Variants in NALF1 observed in about 807,000 individuals in gnomAD.
NALF1 encodes the protein NALCN channel auxiliary factor 1.
NALF1 carries 3 observed loss-of-function variants against 48.4 expected under a neutral mutation model. That is an observed-to-expected ratio of 0.06 (90% CI 0.03 to 0.16). The LOEUF is 0.16. NALF1 is among the 10% of genes least tolerant of loss of function. The pLI is 1.00. For missense variants in NALF1, 526 were observed against 571.5 expected (o/e 0.92, Z 0.81); for synonymous variants, 262 against 245.7 (o/e 1.07, Z -0.62).
chr13:107,390,596 A>T lies in NALF1; in HGVS notation c.916-179841T>A, dbSNP rs981599977. On this transcript the variant is annotated intron_variant, in intron 1 of 2. Coordinates refer to ENST00000375915, the MANE Select transcript of NALF1 (RefSeq NM_001080396.3). ...GCTCCATCTCAAAAACAAAAAACAAACAAACAAAAAAAGCCCAGTGGTATT... is the reference window on the plus strand; with the variant it reads ...GCTCCATCTCAAAAACAAAAAACAATCAAACAAAAAAAGCCCAGTGGTATT... Among the ~76,000 whole-genome samples the T allele has an allele frequency of 3.0e-4, 45 of 152,086 alleles. 1 individual carries two copies. The highest frequency in any genetic ancestry group is 1.5e-5 in the Non-Finnish European group (1 of 68,016).
intron 1 of NALF1, among the ~76,000 whole-genome samples, chr13:107,774,892 C>T (rs1234659468): frequency 6.6e-6 from 1 of 152,092 alleles, no homozygotes; most frequent in African/African-American, 2.4e-5. Context: ...TCCCTGATAT[C>T]TCTATATTAT....
intron 1 of NALF1, among the ~76,000 whole-genome samples, chr13:107,442,749 G>C (rs1884581281): frequency 6.6e-6 from 1 of 152,122 alleles, no homozygotes; most frequent in Non-Finnish European, 1.5e-5. Context: ...TATTAAAAAG[G>C]TTTTAAGTCA....
chr13:107,586,271 C>T (rs1291844692), intron 1 of NALF1, among the ~76,000 whole-genome samples: 1 of 152,044 alleles, frequency 6.6e-6, no homozygotes, highest in African/African-American at 2.4e-5. Flanking sequence ...TGGGGCAATA[C>T]CATCTTACCA....
chr13:107,299,393 G>A (rs2138890902), intron 1 of NALF1, among the ~76,000 whole-genome samples: 1 of 150,712 alleles, frequency 6.6e-6, no homozygotes, highest in East Asian at 2.0e-4. Context: ...GCGAGATCCT[G>A]CCACCGCACT....
chr13:107,201,172 T>TC (rs1879509235), intron 2 of NALF1, among the ~76,000 whole-genome samples: 1 of 62,790 alleles, frequency 1.6e-5, no homozygotes, highest in East Asian at 1.3e-3. Flanking sequence ...ATCTATCATC[T>TC]ATCTATCTAT....
At chr13:107,730,272 C>T (rs9514729) in intron 1 of NALF1, among the ~76,000 whole-genome samples, 113,106 of 152,080 alleles carry the variant, frequency 0.74, 43,318 homozygotes, top group Non-Finnish European at 0.85. Flanking sequence ...GAATGCATTT[C>T]CCACACTTTG....
At chr13:107,651,180 G>A (rs1385924008) in intron 1 of NALF1, among the ~76,000 whole-genome samples, 1 of 152,204 alleles carries the variant, frequency 6.6e-6, no homozygotes, top group Non-Finnish European at 1.5e-5. Context: ...TATGTGGAGA[G>A]AGAGTAAGAC....
chr13:107,394,914 C>G (rs1160659779), intron 1 of NALF1, among the ~76,000 whole-genome samples: 1 of 152,104 alleles, frequency 6.6e-6, no homozygotes, highest in African/African-American at 2.4e-5. Flanking sequence ...CTTATGGCAA[C>G]CAGAAATGGC....
At chr13:107,725,863 T>G (rs1594230082) in intron 1 of NALF1, among the ~76,000 whole-genome samples, 1 of 152,276 alleles carries the variant, frequency 6.6e-6, no homozygotes, top group East Asian at 1.9e-4. Context: ...ACCGTTTTGG[T>G]TTTGTAATTT....
chr13:107,814,188 A>G (rs1879092727), intron 1 of NALF1, among the ~76,000 whole-genome samples: 1 of 152,198 alleles, frequency 6.6e-6, no homozygotes, highest in African/African-American at 2.4e-5. Context: ...AAAAGCCACT[A>G]GAAGACAGGA....
intron 1 of NALF1, among the ~76,000 whole-genome samples, chr13:107,787,742 T>C (rs545822315): frequency 6.6e-6 from 1 of 151,894 alleles, no homozygotes; most frequent in African/African-American, 2.4e-5. Context: ...AACTAATACA[T>C]CTGTCTCATA....
intron 1 of NALF1, among the ~76,000 whole-genome samples, chr13:107,325,887 TACACACACACACACAC>T (rs1555332567): frequency 8.5e-5 from 5 of 58,904 alleles, no homozygotes; most frequent in Non-Finnish European, 1.4e-4. Context: ...TATATATATA[TACACACACACACACAC>T]ACACATATAT....
intron 1 of NALF1, among the ~76,000 whole-genome samples, chr13:107,443,162 A>T (rs1209721039): frequency 7.6e-6 from 1 of 131,992 alleles, no homozygotes; most frequent in Non-Finnish European, 1.7e-5. Flanking sequence ...TTATTTATTT[A>T]TCTAACAATC....
At chr13:107,675,697 C>T (rs1881101126) in intron 1 of NALF1, among the ~76,000 whole-genome samples, 1 of 152,148 alleles carries the variant, frequency 6.6e-6, no homozygotes, top group Non-Finnish European at 1.5e-5. Context: ...CTACTGCTGC[C>T]TGGTTCTATC....
chr13:107,433,787 C>G (rs1167004061), intron 1 of NALF1, among the ~76,000 whole-genome samples: 1 of 152,040 alleles, frequency 6.6e-6, no homozygotes, highest in East Asian at 1.9e-4. Flanking sequence ...TCATTTTTCA[C>G]TTAGCTTACA....
chr13:107,634,309 A>G (rs1879916801), intron 1 of NALF1, among the ~76,000 whole-genome samples: 1 of 152,076 alleles, frequency 6.6e-6, no homozygotes, highest in African/African-American at 2.4e-5. Context: ...AAATTACTTA[A>G]TGGGTACAAT....
intron 1 of NALF1, among the ~76,000 whole-genome samples, chr13:107,580,642 T>A (rs763426735): frequency 1.9e-4 from 29 of 152,220 alleles, no homozygotes; most frequent in Non-Finnish European, 3.8e-4. Flanking sequence ...AGAAAGAATG[T>A]TTTCTTGCTT....
At chr13:107,381,516 G>A (rs569703681) in intron 1 of NALF1, among the ~76,000 whole-genome samples, 8 of 152,090 alleles carry the variant, frequency 5.3e-5, no homozygotes, top group Non-Finnish European at 1.0e-4. Flanking sequence ...TTCCAAAAAA[G>A]GGTATTATAG....
chr13:107,760,211 G>A (rs1028203165), intron 1 of NALF1, among the ~76,000 whole-genome samples: 10 of 152,190 alleles, frequency 6.6e-5, no homozygotes, highest in African/African-American at 2.4e-4. Flanking sequence ...AGAGGGATAT[G>A]TTTGATTTTC....
Sources: gnomAD v4.1 joint callset for allele counts (sites outside exome capture counted in the v4.1 genomes callset) on GRCh38, gnomAD v4.1.1 for gene constraint, MANE v1.5 for transcripts, NCBI Gene and HGNC (gene_info 2026-07-23, HGNC 2026-07-21) for gene names.